KCNH8: variants seen among roughly 807,000 people sequenced by gnomAD.
The protein encoded by KCNH8 is voltage-gated delayed rectifier potassium channel KCNH8.
A neutral mutation model predicts 103.6 loss-of-function variants in KCNH8; 70 were observed. The observed-to-expected ratio is 0.68, with a 90% CI of 0.56 to 0.82. The LOEUF (loss-of-function observed/expected upper bound fraction) is 0.82. Ranked by LOEUF, KCNH8 falls within the 40% of genes least tolerant of loss-of-function variation. The probability of loss-of-function intolerance (pLI) is 0.00; values close to 1 mark genes in which losing one functional copy is unlikely to be tolerated. For missense variants in KCNH8, 1,217 were observed against 1,329.9 expected, an observed-to-expected ratio of 0.92 and a Z score of 1.32; for synonymous variants, 498 against 489.4, an observed-to-expected ratio of 1.02 and a Z score of -0.23.
At chr3:19,327,659 T>A (rs181354335) in intron 3 of KCNH8, among the ~76,000 whole-genome samples, 3 of 152,304 alleles carry the variant, frequency 2.0e-5, no homozygotes, top group African/African-American at 7.2e-5. Context: ...TCTTTCCTTG[T>A]TTATTTTTCA....
chr3:19,421,179 G>C (rs1414776752), intron 7 of KCNH8, among the ~76,000 whole-genome samples: 7 of 152,026 alleles, frequency 4.6e-5, no homozygotes, highest in Non-Finnish European at 8.8e-5. Flanking sequence ...AAGATAAATA[G>C]GAATATTTTA....
At chr3:19,328,050 A>G (rs544857026) in intron 3 of KCNH8, among the ~76,000 whole-genome samples, 8 of 152,058 alleles carry the variant, frequency 5.3e-5, no homozygotes, top group African/African-American at 1.9e-4. Flanking sequence ...TTTCTGTCCC[A>G]TTACTTTTCC....
chr3:19,242,526 A>G (rs180962182), intron 1 of KCNH8, among the ~76,000 whole-genome samples: 78 of 152,330 alleles, frequency 5.1e-4, no homozygotes, highest in African/African-American at 1.5e-3. Context: ...AAAGAAAACC[A>G]TAAGATCAAA....
chr3:19,194,609 T>C (rs2063583361), intron 1 of KCNH8, among the ~76,000 whole-genome samples: 1 of 151,654 alleles, frequency 6.6e-6, no homozygotes, highest in South Asian at 2.1e-4. Context: ...TTAGAAACAG[T>C]AGACAATGGG....
intron 3 of KCNH8, among the ~76,000 whole-genome samples, chr3:19,282,955 GT>G (rs1278281832): frequency 6.6e-6 from 1 of 152,092 alleles, no homozygotes; most frequent in Non-Finnish European, 1.5e-5. Flanking sequence ...GTGAGCTCTA[GT>G]TTTAGGCAAA....
chr3:19,413,727 T>A (rs1159496102), intron 7 of KCNH8, among the ~76,000 whole-genome samples: 2 of 152,010 alleles, frequency 1.3e-5, no homozygotes, highest in African/African-American at 4.8e-5. Flanking sequence ...AATAATTTGT[T>A]TTTTGAGCCA....
At chr3:19,533,252 G>A in intron 15 of KCNH8, 143 bp from the exon 16 acceptor site, 12 of 570,284 alleles carry the variant, frequency 2.1e-5, no homozygotes, top group South Asian at 5.5e-5. Flanking sequence ...TTTTCACCAA[G>A]CAAATGCTAA....
At chr3:19,355,835 A>C (rs1201503123) in intron 5 of KCNH8, among the ~76,000 whole-genome samples, 2 of 151,996 alleles carry the variant, frequency 1.3e-5, no homozygotes, top group African/African-American at 4.8e-5. Context: ...ATACATATGT[A>C]ACAAACCTGC....
chr3:19,254,595 A>G (rs965577399), intron 2 of KCNH8, among the ~76,000 whole-genome samples: 1 of 152,174 alleles, frequency 6.6e-6, no homozygotes, highest in Non-Finnish European at 1.5e-5. Context: ...GTAGGAATAC[A>G]TATCATTAGC....
chr3:19,419,201 T>TTG lies in KCNH8; in HGVS notation c.1178-18962_1178-18961insGT, dbSNP rs1553595473. ...AGTAATTAAAATGGTTTTGGTTTTT[T>TTG]TTTTTTTTTTTTTTTTGAGACGGAG... On this transcript the variant is annotated intron_variant, in intron 7 of 15. Coordinates refer to ENST00000328405, the MANE Select transcript of KCNH8 (RefSeq NM_144633.3). Among the ~76,000 whole-genome samples the TTG allele has an allele frequency of 2.9e-5, 4 of 136,672 alleles. 1 individual carries two copies. The highest frequency in any genetic ancestry group is 1.1e-4 in the African/African-American group (4 of 35,508). The allele number at this position is 136,672 out of a possible 152,430, so 89.7% of individuals were successfully genotyped here.
intron 7 of KCNH8, among the ~76,000 whole-genome samples, chr3:19,412,539 A>G (rs929112285): frequency 1.3e-5 from 2 of 152,116 alleles, no homozygotes; most frequent in African/African-American, 4.8e-5. Context: ...AAAATTGACA[A>G]GTGGGACCCT....
intron 11 of KCNH8, among the ~76,000 whole-genome samples, chr3:19,459,970 C>T (rs2067595902): frequency 6.6e-6 from 1 of 151,976 alleles, no homozygotes; most frequent in Admixed American, 6.6e-5. Flanking sequence ...CTCTCTCTCT[C>T]TCTCTGTCAT....
At chr3:19,391,206 A>C (rs2125131224) in intron 6 of KCNH8, among the ~76,000 whole-genome samples, 1 of 152,222 alleles carries the variant, frequency 6.6e-6, no homozygotes, top group East Asian at 1.9e-4. Context: ...AAAACTTGAG[A>C]GTTCTCTTGA....
chr3:19,330,260 A>G (rs549313585), intron 3 of KCNH8, among the ~76,000 whole-genome samples: 2 of 152,214 alleles, frequency 1.3e-5, no homozygotes, highest in African/African-American at 2.4e-5. Flanking sequence ...CAGTTTCTCT[A>G]TTGATTTTTT....
intron 11 of KCNH8, among the ~76,000 whole-genome samples, chr3:19,506,650 G>A (rs1260321988): frequency 2.0e-5 from 3 of 152,154 alleles, no homozygotes; most frequent in Non-Finnish European, 4.4e-5. Flanking sequence ...CAATTCTGGA[G>A]TGAGCTCAGG....
At chr3:19,374,127 A>G (rs369028047) in intron 5 of KCNH8, among the ~76,000 whole-genome samples, 27,297 of 149,614 alleles carry the variant, frequency 0.18, 2,532 homozygotes, top group Middle Eastern at 0.25. Context: ...TATTAGGTCC[A>G]CTTGGTGCAG....
chr3:19,355,481 C>G (rs1268057239), intron 5 of KCNH8, among the ~76,000 whole-genome samples: 1 of 152,130 alleles, frequency 6.6e-6, no homozygotes, highest in East Asian at 1.9e-4. Context: ...TTGGAACCAA[C>G]CCAAATGTCC....
chr3:19,175,029 C>T (rs1303527757), intron 1 of KCNH8, among the ~76,000 whole-genome samples: 1 of 152,060 alleles, frequency 6.6e-6, no homozygotes, highest in African/African-American at 2.4e-5. Context: ...TGAATTTGGC[C>T]TCTTAACCTT....
rs2065170994 is a variant in KCNH8 at position 19,308,768 on chromosome 3, C to CT, written c.442+27439_442+27440insT. 2.2e-5 allele frequency among the ~76,000 whole-genome samples: 2 copies of CT among 91,876 alleles called. 1 individual carries two copies. Among genetic ancestry groups the CT allele is most frequent in the African/African-American group, 1.2e-4 (2 of 16,694 alleles). The allele number at this position is 91,876 out of a possible 152,430, so 60.3% of individuals were successfully genotyped here. ...TCCCTCTCTCCCTCTCTCCCTCTCTCCCTCCCTCTCTCTCTCTCCCTCTCT... is the reference window on the plus strand; with the variant it reads ...TCCCTCTCTCCCTCTCTCCCTCTCTCTCCTCCCTCTCTCTCTCTCCCTCTCT... On this transcript the variant is annotated intron_variant, in intron 3 of 15. Transcript: ENST00000328405.
Sources: gnomAD v4.1 joint callset for allele counts (sites outside exome capture counted in the v4.1 genomes callset) on GRCh38, gnomAD v4.1.1 for gene constraint, MANE v1.5 for transcripts, NCBI Gene and HGNC (gene_info 2026-07-23, HGNC 2026-07-21) for gene names.